MTNR1A: variants seen among roughly 807,000 people sequenced by gnomAD.
MTNR1A encodes melatonin receptor 1A.
Under a neutral mutation model 5.5 loss-of-function variants are expected in MTNR1A, and 7 were observed. That is an observed-to-expected ratio of 1.28 (90% CI 0.73 to 2.40). MTNR1A has a LOEUF of 2.40. MTNR1A is among the 30% of genes most tolerant of loss of function. The pLI, the probability that MTNR1A is intolerant of heterozygous loss-of-function variation, is 0.00. For missense variants in MTNR1A, 441 were observed against 464.4 expected (o/e 0.95, Z 0.46); for synonymous variants, 196 against 202.7 (o/e 0.97, Z 0.28).
intron 1 of MTNR1A, among the ~76,000 whole-genome samples, chr4:186,543,998 C>T (rs1168953860): frequency 2.6e-5 from 4 of 152,070 alleles, no homozygotes; most frequent in African/African-American, 9.7e-5. Context: ...GGAAATGAAG[C>T]AGCAGCTATT....
At chr4:186,539,288 A>G (rs1164832242) in intron 1 of MTNR1A, among the ~76,000 whole-genome samples, 1 of 151,616 alleles carries the variant, frequency 6.6e-6, no homozygotes, top group Admixed American at 6.6e-5. Flanking sequence ...ATCACCCTCC[A>G]ACCACTAAGA....
chr4:186,537,642 T>C (rs1055360054), intron 1 of MTNR1A, among the ~76,000 whole-genome samples: 1 of 152,182 alleles, frequency 6.6e-6, no homozygotes, highest in African/African-American at 2.4e-5. Context: ...AACAAAAATA[T>C]AGAGTTAAAT....
At chr4:186,534,658 T>G (rs1736804329) in intron 1 of MTNR1A, 101 bp from the exon 2 acceptor site, 16 of 1,441,816 alleles carry the variant, frequency 1.1e-5, no homozygotes, top group Non-Finnish European at 1.4e-5. Context: ...TCCGATGACC[T>G]GACGTCACAG....
intron 1 of MTNR1A, among the ~76,000 whole-genome samples, chr4:186,545,643 G>A (rs1050139313): frequency 6.6e-6 from 1 of 152,084 alleles, no homozygotes; most frequent in Non-Finnish European, 1.5e-5. Flanking sequence ...TTTCATTTCA[G>A]CCTGGACTTT....
At chr4:186,546,434 T>C (rs1055063302) in intron 1 of MTNR1A, among the ~76,000 whole-genome samples, 4 of 151,938 alleles carry the variant, frequency 2.6e-5, no homozygotes, top group Non-Finnish European at 4.4e-5. Context: ...CAGGCTTCAA[T>C]AGCCCTGCAG....
chr4:186,534,657 CTG>C, intron 1 of MTNR1A, 100 bp from the exon 2 acceptor site: 1 of 1,447,750 alleles, frequency 6.9e-7, no homozygotes, highest in African/African-American at 1.4e-5. Flanking sequence ...CTCCGATGAC[CTG>C]ACGTCACAGC....
At chr4:186,551,627 TG>T in intron 1 of MTNR1A, among the ~76,000 whole-genome samples, 1 of 152,104 alleles carries the variant, frequency 6.6e-6, no homozygotes, top group East Asian at 1.9e-4. Context: ...GGTGGGTGGA[TG>T]GGTAGGTAAG....
At chr4:186,546,091 C>T (rs914796447) in intron 1 of MTNR1A, among the ~76,000 whole-genome samples, 1 of 152,176 alleles carries the variant, frequency 6.6e-6, no homozygotes, top group Non-Finnish European at 1.5e-5. Flanking sequence ...CAGCCTCAGT[C>T]TCTTAATATG....
intron 1 of MTNR1A, among the ~76,000 whole-genome samples, chr4:186,543,877 A>T (rs1409019599): frequency 6.6e-6 from 1 of 152,244 alleles, no homozygotes; most frequent in South Asian, 2.1e-4. Flanking sequence ...GTGTTGAATT[A>T]GTATTGTGTC....
chr4:186,541,767 C>T (rs1427524995), intron 1 of MTNR1A, among the ~76,000 whole-genome samples: 1 of 152,178 alleles, frequency 6.6e-6, no homozygotes, highest in Non-Finnish European at 1.5e-5. Flanking sequence ...GGGACAGTTT[C>T]ATCCCGAAAC....
chr4:186,537,108 A>T (rs1166182003), intron 1 of MTNR1A, among the ~76,000 whole-genome samples: 1 of 152,204 alleles, frequency 6.6e-6, no homozygotes, highest in African/African-American at 2.4e-5. Flanking sequence ...ATTACAATTC[A>T]AGCAATTACA....
chr4:186,549,223 C>CATAAGAGTTTT (rs11273086), intron 1 of MTNR1A, among the ~76,000 whole-genome samples: 142,734 of 151,952 alleles, frequency 0.94, 67,129 homozygotes, highest in East Asian at 1. Context: ...CTTCCAAGAA[C>CATAAGAGTTTT]ATATTCCTAA....
At chr4:186,550,405 T>C (rs1382641358) in intron 1 of MTNR1A, among the ~76,000 whole-genome samples, 2 of 152,124 alleles carry the variant, frequency 1.3e-5, no homozygotes, top group Non-Finnish European at 2.9e-5. Flanking sequence ...TACAAATATG[T>C]AGAAAAAAGG....
In MTNR1A at chr4:186,533,857, G is replaced by C; in HGVS notation, c.885C>G (p.Tyr295Ter). 1 of 1,614,070 alleles carries C rather than the reference G, an allele frequency of 6.2e-7. No homozygotes were observed. Among genetic ancestry groups the C allele is most frequent in the Non-Finnish European group, 8.5e-7 (1 of 1,180,012 alleles). Residue 295 changes from tyrosine to a stop codon, truncating the protein, a stop_gained, in exon 2 of 2, where the codon TAC becomes TAG. Coordinates refer to ENST00000307161, the MANE Select transcript of MTNR1A (RefSeq NM_005958.4). LOFTEE classifies it low-confidence loss of function (END_TRUNC). ...YFNSCLNAIIYGLLNQNFRKE... is the reference protein window; with the variant it reads ...YFNSCLNAII ...TCCTGAAATTTTGGTTCAGTAGCCC[G>C]TATATAATGGCATTGAGGCAGCTGT...
chr4:186,555,468 C>A lies in MTNR1A; in HGVS notation c.-103G>T. On this transcript the variant is annotated 5_prime_UTR_variant, in exon 1 of 2. Transcript: ENST00000307161. The surrounding 1 kb of genome is among the most constrained non-coding windows in gnomAD (Gnocchi z 4.1). Reference sequence around the variant, plus strand: ...GGCGCTCCCCGCGCCCACGCCCCATCCCGCGCGCTCCTCCACGCCGCGCCC... The same window carrying A: ...GGCGCTCCCCGCGCCCACGCCCCATACCGCGCGCTCCTCCACGCCGCGCCC... 1.0e-6 allele frequency: 1 copy of A among 986,454 alleles called. No homozygotes were observed. The highest frequency in any genetic ancestry group is 4.5e-5 in the South Asian group (1 of 22,324). 61.1% of individuals were successfully genotyped at this position (986,454 alleles called of 1,614,324 possible). A position where few individuals can be genotyped will look rare whatever the true frequency, so the allele number is the denominator to read the frequency against.
In MTNR1A at chr4:186,533,936, A is replaced by T. The variant is rs1355058595; in HGVS notation, c.806T>A (p.Val269Glu). 4 of 1,614,184 alleles carry T rather than the reference A, an allele frequency of 2.5e-6. No individual in the cohort carries two copies. Among genetic ancestry groups the T allele is most frequent in the Non-Finnish European group, 3.4e-6 (4 of 1,180,036 alleles). ...LAVASDPASM[V>E]PRIPEWLFVA... ...AAACAGCCACTCTGGGATCCTAGGC[A>T]CCATGCTGGCGGGGTCAGAGGCCAC... Residue 269 changes from valine to glutamate, a missense_variant, in exon 2 of 2, where the codon GTG becomes GAG. Val to Glu is a moderately radical substitution (Grantham distance 121). Transcript: ENST00000307161.
intron 1 of MTNR1A, among the ~76,000 whole-genome samples, chr4:186,547,180 A>C: frequency 2.4e-5 from 1 of 41,414 alleles, no homozygotes; most frequent in African/African-American, 9.6e-5. Flanking sequence ...GGGACACACC[A>C]TCCACACCAC....
intron 1 of MTNR1A, among the ~76,000 whole-genome samples, chr4:186,551,151 T>C (rs1737259920): frequency 6.6e-6 from 1 of 152,178 alleles, no homozygotes; most frequent in African/African-American, 2.4e-5. Context: ...TCGTAGGTTT[T>C]TGAATGGTAG....
intron 1 of MTNR1A, among the ~76,000 whole-genome samples, chr4:186,546,235 T>C (rs1737138655): frequency 6.6e-6 from 1 of 152,052 alleles, no homozygotes; most frequent in African/African-American, 2.4e-5. Flanking sequence ...TCACGGAAGG[T>C]TCCTCCCTGG....
Sources: allele counts gnomAD v4.1 joint callset (sites outside exome capture counted in the v4.1 genomes callset), GRCh38; gene constraint gnomAD v4.1.1; non-coding constraint Gnocchi (gnomAD v3.1); transcripts MANE v1.5; gene names NCBI Gene and HGNC (gene_info 2026-07-23, HGNC 2026-07-21).